The following MLLT3 variants were observed in gnomAD, a reference collection of about 807,000 sequenced individuals.
MLLT3 encodes MLLT3 super elongation complex subunit, also known as protein AF-9.
MLLT3 carries 4 observed loss-of-function variants against 53.2 expected under a neutral mutation model. That is an observed-to-expected ratio of 0.08 (90% CI 0.04 to 0.17). The LOEUF (loss-of-function observed/expected upper bound fraction) is 0.17. Ranked by LOEUF, MLLT3 falls within the 10% of genes least tolerant of loss-of-function variation. The pLI, the probability that MLLT3 is intolerant of heterozygous loss-of-function variation, is 1.00. For missense variants in MLLT3, 569 were observed against 684.0 expected (o/e 0.83, Z 1.87); for synonymous variants, 283 against 230.6 (o/e 1.23, Z -2.06).
At chr9:20,478,290 C>A (rs1052851858) in intron 2 of MLLT3, among the ~76,000 whole-genome samples, 2 of 152,122 alleles carry the variant, frequency 1.3e-5, no homozygotes, top group Admixed American at 1.3e-4. Context: ...ATAAACATTT[C>A]TGGCTTTCAC....
At chr9:20,485,385 C>T (rs1477563050) in intron 2 of MLLT3, among the ~76,000 whole-genome samples, 1 of 152,110 alleles carries the variant, frequency 6.6e-6, no homozygotes. Context: ...GTTAAAATTT[C>T]TTTTAATTGG....
intron 2 of MLLT3, among the ~76,000 whole-genome samples, chr9:20,594,923 C>T (rs1403251021): frequency 6.6e-6 from 1 of 152,132 alleles, no homozygotes; most frequent in Non-Finnish European, 1.5e-5. Flanking sequence ...ATAATCCACC[C>T]CTTGTTTAGC....
chr9:20,501,325 C>T (rs1018375844), intron 2 of MLLT3, among the ~76,000 whole-genome samples: 6 of 152,132 alleles, frequency 3.9e-5, no homozygotes, highest in Non-Finnish European at 4.4e-5. Flanking sequence ...TGTGAGGTGA[C>T]GAAGGCAAAT....
chr9:20,548,037 G>C (rs774110956), intron 2 of MLLT3, among the ~76,000 whole-genome samples: 3 of 152,164 alleles, frequency 2.0e-5, no homozygotes, highest in African/African-American at 7.2e-5. Flanking sequence ...TTGACTACTT[G>C]ACTTGTATCT....
intron 2 of MLLT3, among the ~76,000 whole-genome samples, chr9:20,605,369 T>C (rs1387023705): frequency 1.3e-5 from 2 of 152,032 alleles, no homozygotes; most frequent in African/African-American, 2.4e-5. Flanking sequence ...ATCTAGCTAA[T>C]TGGGACTTAT....
intron 2 of MLLT3, among the ~76,000 whole-genome samples, chr9:20,492,567 T>C (rs1010176823): frequency 2.6e-5 from 4 of 151,918 alleles, no homozygotes; most frequent in African/African-American, 9.7e-5. Context: ...CCCACACACA[T>C]TAATTCTACC....
At chr9:20,382,179 G>A (rs958087893) in intron 5 of MLLT3, among the ~76,000 whole-genome samples, 3 of 151,662 alleles carry the variant, frequency 2.0e-5, no homozygotes, top group African/African-American at 7.3e-5. Context: ...ATCTAAAATT[G>A]TAAGATTTTC....
At chr9:20,419,329 C>G (rs1264408687) in intron 4 of MLLT3, among the ~76,000 whole-genome samples, 3 of 151,436 alleles carry the variant, frequency 2.0e-5, no homozygotes, top group African/African-American at 7.3e-5. Flanking sequence ...AGTAAAAATA[C>G]AAAGCGATGA....
intron 2 of MLLT3, among the ~76,000 whole-genome samples, chr9:20,600,193 C>T (rs1485432597): frequency 6.7e-6 from 1 of 149,268 alleles, no homozygotes; most frequent in Non-Finnish European, 1.5e-5. Flanking sequence ...CAGTACTAAA[C>T]ACTCAGAACT....
At chr9:20,454,982 T>C (rs896457906) in intron 3 of MLLT3, among the ~76,000 whole-genome samples, 1 of 152,176 alleles carries the variant, frequency 6.6e-6, no homozygotes, top group Non-Finnish European at 1.5e-5. Flanking sequence ...TCACATCTAC[T>C]AGGATGACTA....
chr9:20,349,304 T>C (rs921291608), intron 10 of MLLT3, among the ~76,000 whole-genome samples: 1 of 152,198 alleles, frequency 6.6e-6, no homozygotes, highest in Non-Finnish European at 1.5e-5. Flanking sequence ...TAAGGTATCA[T>C]AAATAAAGCT....
chr9:20,458,912 C>A (rs1404236769), intron 2 of MLLT3, among the ~76,000 whole-genome samples: 3 of 152,120 alleles, frequency 2.0e-5, no homozygotes, highest in African/African-American at 4.8e-5. Context: ...TGCCATGTAG[C>A]CTTTTGGATG....
chr9:20,455,665 A>T (rs1823948302), intron 3 of MLLT3, among the ~76,000 whole-genome samples: 1 of 152,202 alleles, frequency 6.6e-6, no homozygotes, highest in Admixed American at 6.5e-5. Context: ...CTGACTTTTC[A>T]GCAGGTTTTA....
chr9:20,554,385 T>C (rs759105236), intron 2 of MLLT3, among the ~76,000 whole-genome samples: 1 of 152,168 alleles, frequency 6.6e-6, no homozygotes, highest in Non-Finnish European at 1.5e-5. Context: ...TTCTGATGGA[T>C]CTTCTGGTAC....
At chr9:20,578,417 C>T (rs566946803) in intron 2 of MLLT3, among the ~76,000 whole-genome samples, 2 of 152,174 alleles carry the variant, frequency 1.3e-5, no homozygotes, top group Middle Eastern at 3.4e-3. Flanking sequence ...GTGGCTCACA[C>T]TTGTAATTCC....
intron 2 of MLLT3, among the ~76,000 whole-genome samples, chr9:20,462,200 T>C (rs1824126174): frequency 6.6e-6 from 1 of 152,242 alleles, no homozygotes; most frequent in African/African-American, 2.4e-5. Context: ...TTTGTTTTTA[T>C]TTTTAAAAGC....
At chr9:20,416,660 G>C (rs768052947) in intron 4 of MLLT3, among the ~76,000 whole-genome samples, 6 of 152,076 alleles carry the variant, frequency 3.9e-5, no homozygotes, top group Non-Finnish European at 7.4e-5. Flanking sequence ...TCTGGGTATT[G>C]AATGTCTACT....
intron 8 of MLLT3, among the ~76,000 whole-genome samples, chr9:20,357,983 A>G (rs775339815): frequency 4.9e-3 from 538 of 108,888 alleles, no homozygotes; most frequent in South Asian, 8.1e-3. Flanking sequence ...CCTCCTGCGC[A>G]CACACACACA....
At chr9:20,418,581 G>A (rs1822933375) in intron 4 of MLLT3, among the ~76,000 whole-genome samples, 2 of 152,108 alleles carry the variant, frequency 1.3e-5, no homozygotes, top group Non-Finnish European at 2.9e-5. Flanking sequence ...ATTGGTGCAG[G>A]ATTTGCTCTG....
Sources: gnomAD v4.1 joint callset for allele counts (sites outside exome capture counted in the v4.1 genomes callset) on GRCh38, gnomAD v4.1.1 for gene constraint, MANE v1.5 for transcripts, NCBI Gene and HGNC (gene_info 2026-07-23, HGNC 2026-07-21) for gene names.